The following ROBO2 variants were observed in gnomAD, a reference collection of about 807,000 sequenced individuals.
ROBO2 encodes the protein roundabout guidance receptor 2.
In ROBO2, 53 loss-of-function variants were observed where a neutral mutation model predicts 160.8. The ratio of observed to expected loss-of-function variants is 0.33; its 90% CI spans 0.26 to 0.41. The LOEUF (loss-of-function observed/expected upper bound fraction) is 0.41, where lower values mean the gene tolerates loss of function less well. Among genes scored for constraint, ROBO2 ranks in the 10% least tolerant of loss-of-function variants. The pLI is 1.00. For synonymous variants in ROBO2, 664 were observed against 611.7 expected (o/e 1.09, Z -1.26); for missense variants, 1,577 against 1,722.4 (o/e 0.92, Z 1.49).
chr3:76,189,344 C>A (rs34655052), intron 2 of ROBO2, among the ~76,000 whole-genome samples: 44,647 of 151,862 alleles, frequency 0.29, 8,144 homozygotes, highest in Non-Finnish European at 0.4. Context: ...TAGGAGAAAC[C>A]AAAATCATTA....
intron 2 of ROBO2, among the ~76,000 whole-genome samples, chr3:76,618,467 A>G (rs2088776813): frequency 6.6e-6 from 1 of 150,520 alleles, no homozygotes; most frequent in Non-Finnish European, 1.5e-5. Flanking sequence ...ATATAATCTC[A>G]TACATATATC....
At chr3:76,354,509 A>T (rs1008936131) in intron 2 of ROBO2, among the ~76,000 whole-genome samples, 1 of 151,908 alleles carries the variant, frequency 6.6e-6, no homozygotes, top group African/African-American at 2.4e-5. Context: ...ATTTATGATT[A>T]CTTAGAGCCC....
At chr3:77,634,687 AC>A in intron 23 of ROBO2, 182 bp from the exon 25 acceptor site, 1 of 642,066 alleles carries the variant, frequency 1.6e-6, no homozygotes, top group South Asian at 1.8e-5. Flanking sequence ...TAAAAATTGA[AC>A]AAAATATGTG....
Position 76,223,697 on chromosome 3 carries a change from A to T in ROBO2, c.109+286095A>T, listed in dbSNP as rs1395179597. 5.3e-5 allele frequency among the ~76,000 whole-genome samples: 8 copies of T among 152,258 alleles called. No homozygotes were observed. The East Asian group carries it at 1.6e-3, about 30-fold the overall frequency. ...CAATAATCTGAGTATCAGCAATATC[A>T]GCCCTTCCGCTACAGGAGATAAGGC... On this transcript the variant is annotated intron_variant, in intron 2 of 26. Transcript: ENST00000487694.
chr3:76,013,285 G>T (rs1433752858), intron 2 of ROBO2, among the ~76,000 whole-genome samples: 3 of 151,470 alleles, frequency 2.0e-5, no homozygotes, highest in African/African-American at 4.9e-5. Flanking sequence ...TGGGCACGGT[G>T]GCTTATGCGT....
At chr3:76,058,589 C>CTTTTTTTTTT (rs10676074) in intron 2 of ROBO2, among the ~76,000 whole-genome samples, 252 of 48,660 alleles carry the variant, frequency 5.2e-3, no homozygotes, top group Non-Finnish European at 5.5e-3. Flanking sequence ...ACAGCAGAAA[C>CTTTTTTTTTT]TTTTTTTTTT....
At chr3:76,694,226 G>A (rs553489219) in intron 2 of ROBO2, among the ~76,000 whole-genome samples, 19 of 152,250 alleles carry the variant, frequency 1.2e-4, no homozygotes, top group African/African-American at 3.1e-4. Context: ...TTAAATGGGC[G>A]TTTTTCTTTA....
At chr3:77,025,808 G>A (rs552836356) in intron 2 of ROBO2, among the ~76,000 whole-genome samples, 67 of 152,158 alleles carry the variant, frequency 4.4e-4, no homozygotes, top group African/African-American at 1.5e-3. Flanking sequence ...TCCTTGAGAG[G>A]TATTTTCCTT....
chr3:77,405,041 C>T (rs2076147518), intron 2 of ROBO2, among the ~76,000 whole-genome samples: 1 of 152,186 alleles, frequency 6.6e-6, no homozygotes, highest in Non-Finnish European at 1.5e-5. Flanking sequence ...ACCTACCTAT[C>T]CCACGAGACT....
chr3:77,304,247 C>CTTT (rs1162335616), intron 2 of ROBO2, among the ~76,000 whole-genome samples: 2 of 152,132 alleles, frequency 1.3e-5, no homozygotes, highest in Non-Finnish European at 2.9e-5. Flanking sequence ...CAAAGAACCC[C>CTTT]TTTTGTATAA....
At chr3:77,465,544 T>A (rs763110154) in intron 2 of ROBO2, among the ~76,000 whole-genome samples, 40 of 152,092 alleles carry the variant, frequency 2.6e-4, no homozygotes, top group Non-Finnish European at 5.4e-4. Flanking sequence ...GAGCACATAC[T>A]CTATGGATGG....
At chr3:76,246,947 AG>A (rs1705658048) in intron 2 of ROBO2, among the ~76,000 whole-genome samples, 1 of 152,080 alleles carries the variant, frequency 6.6e-6, no homozygotes, top group East Asian at 1.9e-4. Flanking sequence ...TTTCCATCTT[AG>A]TTGTAAATTA....
intron 13 of ROBO2, among the ~76,000 whole-genome samples, chr3:77,571,647 T>TA (rs1360570672): frequency 2.0e-5 from 3 of 152,112 alleles, no homozygotes; most frequent in Admixed American, 1.3e-4. Context: ...AATACTATTT[T>TA]AAAAAAATAT....
intron 2 of ROBO2, among the ~76,000 whole-genome samples, chr3:76,842,230 T>C (rs1010741477): frequency 3.9e-5 from 6 of 152,212 alleles, no homozygotes; most frequent in Non-Finnish European, 8.8e-5. Context: ...CTGTTGTAAG[T>C]GGAGCACACC....
intron 2 of ROBO2, among the ~76,000 whole-genome samples, chr3:76,768,336 G>A (rs893764096): frequency 6.6e-6 from 1 of 151,446 alleles, no homozygotes; most frequent in Non-Finnish European, 1.5e-5. Context: ...ATTTTCTGAT[G>A]TAAATAATCT....
At chr3:77,332,779 C>G (rs924410046) in intron 2 of ROBO2, among the ~76,000 whole-genome samples, 1 of 152,120 alleles carries the variant, frequency 6.6e-6, no homozygotes, top group African/African-American at 2.4e-5. Context: ...AATACTTTAG[C>G]TCTAATGTAT....
chr3:76,152,844 A>T (rs1332355995), intron 2 of ROBO2, among the ~76,000 whole-genome samples: 1 of 152,154 alleles, frequency 6.6e-6, no homozygotes, highest in African/African-American at 2.4e-5. Context: ...ATTGCTTTTT[A>T]TTGTTTCCAT....
intron 2 of ROBO2, among the ~76,000 whole-genome samples, chr3:76,135,678 T>C (rs1251314171): frequency 6.6e-6 from 1 of 152,126 alleles, no homozygotes; most frequent in Non-Finnish European, 1.5e-5. Flanking sequence ...ATTTTCTAAC[T>C]TGGAAAGTTA....
At chr3:75,962,439 C>T (rs766962566) in intron 2 of ROBO2, among the ~76,000 whole-genome samples, 5 of 151,748 alleles carry the variant, frequency 3.3e-5, no homozygotes, top group Admixed American at 6.6e-5. Flanking sequence ...TTAGATATAA[C>T]GTGTTTAACT....
Sources: gnomAD v4.1 joint callset for allele counts (sites outside exome capture counted in the v4.1 genomes callset) on GRCh38, gnomAD v4.1.1 for gene constraint, MANE v1.5 for transcripts, NCBI Gene and HGNC (gene_info 2026-07-23, HGNC 2026-07-21) for gene names.